VTI1A: variants seen among roughly 807,000 people sequenced by gnomAD.
VTI1A encodes vesicle transport through interaction with t-SNAREs 1A.
Under a neutral mutation model 34.9 loss-of-function variants are expected in VTI1A, and 22 were observed. The ratio of observed to expected loss-of-function variants is 0.63; its 90% CI spans 0.45 to 0.90. VTI1A has a LOEUF of 0.90. Among genes scored for constraint, VTI1A ranks in the 40% least tolerant of loss-of-function variants. The pLI, the probability that VTI1A is intolerant of heterozygous loss-of-function variation, is 0.00. For missense variants in VTI1A, 268 were observed against 275.6 expected, an observed-to-expected ratio of 0.97 and a Z score of 0.20; for synonymous variants, 87 against 97.3, an observed-to-expected ratio of 0.89 and a Z score of 0.62.
chr10:112,810,850 T>C (rs1346515462), intron 7 of VTI1A, among the ~76,000 whole-genome samples: 1 of 152,138 alleles, frequency 6.6e-6, no homozygotes, highest in Admixed American at 6.5e-5. Context: ...ACAGGAGCAT[T>C]GGCTGGAAGA....
At chr10:112,454,096 C>T (rs1442241095) in intron 1 of VTI1A, among the ~76,000 whole-genome samples, 5 of 152,130 alleles carry the variant, frequency 3.3e-5, no homozygotes, top group Admixed American at 3.3e-4. Flanking sequence ...CAGTAATATA[C>T]CCATTTAAAA....
chr10:112,683,958 G>A (rs895882854), intron 7 of VTI1A, among the ~76,000 whole-genome samples: 1 of 151,838 alleles, frequency 6.6e-6, no homozygotes, highest in African/African-American at 2.4e-5. Context: ...CAGGAGAACC[G>A]CTTGAACCCG....
intron 3 of VTI1A, among the ~76,000 whole-genome samples, chr10:112,491,139 A>G (rs1848807301): frequency 6.6e-6 from 1 of 152,224 alleles, no homozygotes; most frequent in Non-Finnish European, 1.5e-5. Context: ...GAGAAGTTGT[A>G]GGCAGGAGAC....
chr10:112,738,281 C>T (rs2133971827), intron 7 of VTI1A, among the ~76,000 whole-genome samples: 1 of 152,286 alleles, frequency 6.6e-6, no homozygotes. Flanking sequence ...CAAGGCCCAG[C>T]TTCAATGTTA....
chr10:112,692,998 C>T (rs1234446555), intron 7 of VTI1A, among the ~76,000 whole-genome samples: 5 of 152,240 alleles, frequency 3.3e-5, no homozygotes, highest in Admixed American at 2.6e-4. Flanking sequence ...GTCTCTCTCA[C>T]GAGCACAAGT....
chr10:112,721,168 T>C (rs949553366), intron 7 of VTI1A, among the ~76,000 whole-genome samples: 7 of 152,224 alleles, frequency 4.6e-5, no homozygotes, highest in African/African-American at 1.7e-4. Flanking sequence ...CCAAATCTGC[T>C]GTGCTCTGTT....
chr10:112,779,625 C>T (rs1429981205), intron 7 of VTI1A, among the ~76,000 whole-genome samples: 2 of 152,142 alleles, frequency 1.3e-5, no homozygotes. Context: ...GCTCATCCCA[C>T]TATTCAAAAA....
chr10:112,662,206 T>C (rs1590041399), intron 5 of VTI1A, among the ~76,000 whole-genome samples: 1 of 152,242 alleles, frequency 6.6e-6, no homozygotes, highest in Non-Finnish European at 1.5e-5. Flanking sequence ...AAATACAGAT[T>C]GGAAAAGTTT....
At chr10:112,845,750 G>A in the VTI1A span, among the ~76,000 whole-genome samples, 1 of 152,222 alleles carries the variant, frequency 6.6e-6, no homozygotes, top group African/African-American at 2.4e-5. Flanking sequence ...GGACATGGTG[G>A]CTCACGCCTG....
intron 5 of VTI1A, among the ~76,000 whole-genome samples, chr10:112,632,497 G>C (rs1469312377): frequency 6.6e-6 from 1 of 152,160 alleles, no homozygotes; most frequent in Non-Finnish European, 1.5e-5. Flanking sequence ...TATGCTAAAA[G>C]TTGATCAAGC....
chr10:112,670,487 T>C (rs2133839126), intron 7 of VTI1A, among the ~76,000 whole-genome samples: 1 of 152,294 alleles, frequency 6.6e-6, no homozygotes, highest in Middle Eastern at 3.4e-3. Context: ...AATAAGGATT[T>C]ATGGGTTTCG....
intron 5 of VTI1A, among the ~76,000 whole-genome samples, chr10:112,623,801 C>T (rs1056729287): frequency 3.3e-5 from 5 of 152,226 alleles, no homozygotes; most frequent in South Asian, 2.1e-4. Flanking sequence ...TTAACAACCT[C>T]GGCACTGTGC....
rs147756606 is a variant in VTI1A, at chr10:112,473,257, C to T, written c.264+8600C>T. Reference sequence around the variant, plus strand: ...CCGAGTAGCTAGGACTACCGGAGCGCGCCACCATGTCCAGCTAATTTTTGT... The same window carrying T: ...CCGAGTAGCTAGGACTACCGGAGCGTGCCACCATGTCCAGCTAATTTTTGT... On this transcript the variant is annotated intron_variant, in intron 3 of 7. Transcript: ENST00000393077. Among the ~76,000 whole-genome samples, 1,496 of 151,948 alleles carry T rather than the reference C, an allele frequency of 9.8e-3. 3 individuals carry two copies. The highest frequency in any genetic ancestry group is 0.025 in the South Asian group (120 of 4,798).
At chr10:112,552,292 A>G (rs958680506) in intron 5 of VTI1A, among the ~76,000 whole-genome samples, 19 of 152,194 alleles carry the variant, frequency 1.2e-4, no homozygotes, top group Admixed American at 9.2e-4. Context: ...CAGAATATGT[A>G]TTAAGTTTTA....
intron 3 of VTI1A, among the ~76,000 whole-genome samples, chr10:112,471,059 A>G (rs1255396697): frequency 6.6e-6 from 1 of 152,050 alleles, no homozygotes; most frequent in Non-Finnish European, 1.5e-5. Context: ...ACAAATGCAA[A>G]TCTCCAGCTT....
At chr10:112,796,398 T>A in intron 7 of VTI1A, among the ~76,000 whole-genome samples, 1 of 88,436 alleles carries the variant, frequency 1.1e-5, no homozygotes. Context: ...AGAGCAAGAC[T>A]CCGTCAAAAA....
At chr10:112,793,451 T>A (rs759703935) in intron 7 of VTI1A, among the ~76,000 whole-genome samples, 2 of 152,244 alleles carry the variant, frequency 1.3e-5, no homozygotes, top group Non-Finnish European at 2.9e-5. Flanking sequence ...TCCAAGGTTC[T>A]ATACATTGGG....
At chr10:112,652,130 G>A (rs1295051825) in intron 5 of VTI1A, among the ~76,000 whole-genome samples, 1 of 152,170 alleles carries the variant, frequency 6.6e-6, no homozygotes, top group Admixed American at 6.5e-5. Flanking sequence ...CAATGTAAAG[G>A]GATGGAAGTA....
chr10:112,688,662 C>T (rs541434496), intron 7 of VTI1A, among the ~76,000 whole-genome samples: 2 of 151,834 alleles, frequency 1.3e-5, no homozygotes, highest in Admixed American at 6.6e-5. Flanking sequence ...CCTGGGATTA[C>T]AGGCACATAC....
Sources: allele counts gnomAD v4.1 joint callset (sites outside exome capture counted in the v4.1 genomes callset), GRCh38; gene constraint gnomAD v4.1.1; transcripts MANE v1.5; gene names NCBI Gene and HGNC (gene_info 2026-07-23, HGNC 2026-07-21).